Variants in PEX5L observed in about 807,000 individuals in gnomAD.
The protein encoded by PEX5L is PEX5-related protein.
PEX5L carries 30 observed loss-of-function variants against 84.0 expected under a neutral mutation model. The observed-to-expected ratio is 0.36, with a 90% CI of 0.27 to 0.48. The LOEUF (loss-of-function observed/expected upper bound fraction) is 0.48. Ranked by LOEUF, PEX5L falls within the 20% of genes least tolerant of loss-of-function variation. PEX5L has a pLI of 0.99. For synonymous variants in PEX5L, 270 were observed against 283.1 expected (o/e 0.95, Z 0.46); for missense variants, 533 against 754.6 (o/e 0.71, Z 3.44).
intron 2 of PEX5L, among the ~76,000 whole-genome samples, chr3:179,928,040 G>A (rs1771951145): frequency 6.6e-6 from 1 of 152,204 alleles, no homozygotes; most frequent in African/African-American, 2.4e-5. Flanking sequence ...CAATGCATTT[G>A]AATGCACAGG....
chr3:179,818,479 GT>G (rs1727050823), intron 9 of PEX5L, among the ~76,000 whole-genome samples: 1 of 151,880 alleles, frequency 6.6e-6, no homozygotes, highest in African/African-American at 2.4e-5. Context: ...ATTTTAAAAG[GT>G]ACAATAAATT....
At chr3:179,848,755 T>C (rs576607720) in intron 8 of PEX5L, among the ~76,000 whole-genome samples, 4 of 152,196 alleles carry the variant, frequency 2.6e-5, no homozygotes, top group African/African-American at 4.8e-5. Flanking sequence ...ATTGTGGTAA[T>C]TGAATGGTGG....
intron 2 of PEX5L, among the ~76,000 whole-genome samples, chr3:179,971,193 T>TTTCTCTC (rs1784645211): frequency 1.3e-5 from 2 of 151,700 alleles, no homozygotes; most frequent in African/African-American, 4.8e-5. Context: ...TTTTCTCTCT[T>TTTCTCTC]TCTCTCTCTC....
In PEX5L at chr3:179,845,131, C is replaced by G. The variant is rs1026674528; in HGVS notation, c.822+13931G>C. Among the ~76,000 whole-genome samples the G allele has an allele frequency of 6.6e-5, 10 of 152,290 alleles. No individual in the cohort carries two copies. The South Asian group carries it at 1.4e-3, about 22-fold the overall frequency. On this transcript the variant is annotated intron_variant, in intron 8 of 14. Coordinates refer to ENST00000467460, the MANE Select transcript of PEX5L (RefSeq NM_016559.3). Reference sequence around the variant, plus strand: ...TCGATGTGAAGGACAGGGATTCACCCCTTTTATATGGCTACTCCAGCTTTT... The same window carrying G: ...TCGATGTGAAGGACAGGGATTCACCGCTTTTATATGGCTACTCCAGCTTTT...
intron 4 of PEX5L, among the ~76,000 whole-genome samples, chr3:179,882,276 T>G (rs1298041684): frequency 6.6e-6 from 1 of 152,266 alleles, no homozygotes; most frequent in East Asian, 1.9e-4. Context: ...TGGCAAGTAC[T>G]AATTTAATTC....
intron 2 of PEX5L, among the ~76,000 whole-genome samples, chr3:179,964,978 G>C (rs955228850): frequency 6.6e-6 from 1 of 152,220 alleles, no homozygotes; most frequent in South Asian, 2.1e-4. Flanking sequence ...TTCCCAAACA[G>C]TTATGACATG....
intron 1 of PEX5L, among the ~76,000 whole-genome samples, chr3:179,980,177 C>T (rs1786191015): frequency 6.6e-6 from 1 of 152,084 alleles, no homozygotes; most frequent in Non-Finnish European, 1.5e-5. Flanking sequence ...TTGTTTCTGA[C>T]AAGAATCAAC....
intron 1 of PEX5L, among the ~76,000 whole-genome samples, chr3:180,031,362 G>A (rs940364032): frequency 2.0e-5 from 3 of 152,174 alleles, no homozygotes; most frequent in Non-Finnish European, 4.4e-5. Flanking sequence ...AGAAGTGGAT[G>A]AGGTGGGGGG....
chr3:179,841,282 T>C (rs1383430200), intron 8 of PEX5L, among the ~76,000 whole-genome samples: 7 of 152,114 alleles, frequency 4.6e-5, no homozygotes, highest in African/African-American at 1.7e-4. Flanking sequence ...CTCTGTACAT[T>C]TGCATGTATT....
chr3:179,992,252 T>G (rs1028457170), intron 1 of PEX5L, among the ~76,000 whole-genome samples: 1 of 152,220 alleles, frequency 6.6e-6, no homozygotes, highest in African/African-American at 2.4e-5. Context: ...GGTATATTAT[T>G]TAATTTTGAA....
intron 10 of PEX5L, among the ~76,000 whole-genome samples, chr3:179,814,684 C>A (rs1725344933): frequency 6.6e-6 from 1 of 152,146 alleles, no homozygotes; most frequent in South Asian, 2.1e-4. Context: ...ATTAGGACTG[C>A]AGAAGCTTTT....
intron 2 of PEX5L, among the ~76,000 whole-genome samples, chr3:179,913,467 G>A (rs1161490740): frequency 6.6e-6 from 1 of 152,064 alleles, no homozygotes; most frequent in African/African-American, 2.4e-5. Flanking sequence ...CTAATCTGTT[G>A]TAGGGCTTTT....
At chr3:179,954,785 A>G (rs996077550) in intron 2 of PEX5L, among the ~76,000 whole-genome samples, 13 of 148,954 alleles carry the variant, frequency 8.7e-5, no homozygotes, top group Non-Finnish European at 1.8e-4. Context: ...GCTTTGTTTT[A>G]TTTTTTTTTT....
intron 2 of PEX5L, among the ~76,000 whole-genome samples, chr3:179,945,261 A>G (rs980372074): frequency 2.6e-5 from 4 of 152,282 alleles, no homozygotes; most frequent in African/African-American, 9.6e-5. Flanking sequence ...CTAAATTTTA[A>G]GTATTGGGAC....
At position 179,797,435 on chromosome 3, in the gene PEX5L, A is replaced by T. The variant is rs2108604672; in HGVS notation, c.*4393T>A. On this transcript the variant is annotated 3_prime_UTR_variant, in exon 15 of 15. Coordinates refer to ENST00000467460, the MANE Select transcript of PEX5L (RefSeq NM_016559.3). The stretch of plus-strand genomic sequence containing the variant: ...TCATGCACTGTGTAAATTTAAATTC[A>T]GTCAAGTTATCTTGCATGCTTTGGT... The T allele has an allele frequency of 6.6e-6, 1 of 152,260 alleles. No homozygotes were observed. Among genetic ancestry groups the T allele is most frequent in the East Asian group, 1.9e-4 (1 of 5,186 alleles). The allele number at this position is 152,260 out of a possible 1,614,324, so 9.4% of individuals were successfully genotyped here.
Position 179,973,199 on chromosome 3 carries a change from G to A in PEX5L, c.22-1534C>T, listed in dbSNP as rs776334912. ...CATGACCCGGTTTCTGGACAAAAGGGCATTAAGTAGAGATGGAATGTGGGT... is the reference window on the plus strand; with the variant it reads ...CATGACCCGGTTTCTGGACAAAAGGACATTAAGTAGAGATGGAATGTGGGT... On this transcript the variant is annotated intron_variant, in intron 1 of 14. Transcript: ENST00000467460. 1.6e-5 allele frequency: 21 copies of A among 1,288,402 alleles called. No individual in the cohort carries two copies. In the African/African-American group the frequency reaches 2.4e-4, roughly 15 times the overall value. 79.8% of individuals were successfully genotyped at this position (1,288,402 alleles called of 1,614,324 possible).
At chr3:180,023,607 T>C (rs1471822789) in intron 1 of PEX5L, among the ~76,000 whole-genome samples, 2 of 152,124 alleles carry the variant, frequency 1.3e-5, no homozygotes, top group East Asian at 3.9e-4. Flanking sequence ...GGCCTGATAA[T>C]AATAGAATCC....
At chr3:179,973,310 A>T in intron 1 of PEX5L, 1 of 1,262,178 alleles carries the variant, frequency 7.9e-7, no homozygotes, top group South Asian at 1.3e-5. Context: ...TGACCAGAGA[A>T]CCACAGATCT....
At position 180,036,590 on chromosome 3, in the gene PEX5L, CCTGGTACATT is replaced by C; in HGVS notation, c.-1_9del. On this transcript the variant is annotated start_lost and 5_prime_UTR_variant, in exon 1 of 15. Coordinates refer to ENST00000467460, the MANE Select transcript of PEX5L (RefSeq NM_016559.3). ...TAGAAATGTCTTACCTGCATGTGTC[CCTGGTACATT>C]CTGCTTCGGTTTCTTCAGGGCTCCC... 6.2e-7 allele frequency: 1 copy of C among 1,614,168 alleles called. No individual in the cohort carries two copies. The highest frequency in any genetic ancestry group is 8.5e-7 in the Non-Finnish European group (1 of 1,179,984).
Sources: allele counts gnomAD v4.1 joint callset (sites outside exome capture counted in the v4.1 genomes callset), GRCh38; gene constraint gnomAD v4.1.1; transcripts MANE v1.5; gene names NCBI Gene and HGNC (gene_info 2026-07-23, HGNC 2026-07-21).